TAF4B: variants seen among roughly 807,000 people sequenced by gnomAD.
The protein encoded by TAF4B is transcription initiation factor TFIID subunit 4B.
Under a neutral mutation model 86.4 loss-of-function variants are expected in TAF4B, and 38 were observed. The observed-to-expected ratio is 0.44, with a 90% CI of 0.34 to 0.58. The LOEUF (loss-of-function observed/expected upper bound fraction) is 0.58, where lower values mean the gene tolerates loss of function less well. Among genes scored for constraint, TAF4B ranks in the 20% least tolerant of loss-of-function variants. The pLI is 0.02. For missense variants in TAF4B, 988 were observed against 1,027.6 expected (o/e 0.96, Z 0.53); for synonymous variants, 388 against 391.2 (o/e 0.99, Z 0.10).
intron 10 of TAF4B, among the ~76,000 whole-genome samples, chr18:26,320,828 C>T (rs1165064933): frequency 1.3e-5 from 2 of 152,034 alleles, no homozygotes; most frequent in Non-Finnish European, 2.9e-5. Context: ...AATGACCTTG[C>T]AAGGAGAATG....
At chr18:26,300,299 T>G (rs943250557) in intron 9 of TAF4B, among the ~76,000 whole-genome samples, 5 of 146,022 alleles carry the variant, frequency 3.4e-5, no homozygotes, top group African/African-American at 1.3e-4. Flanking sequence ...TGTTTTCTAA[T>G]GTAGGCATTT....
intron 9 of TAF4B, among the ~76,000 whole-genome samples, chr18:26,296,770 C>A (rs779220601): frequency 2.0e-5 from 3 of 152,180 alleles, no homozygotes; most frequent in Non-Finnish European, 4.4e-5. Context: ...GATCTGCTTT[C>A]TATCATTGTA....
At chr18:26,245,720 C>G (rs2055913535) in intron 1 of TAF4B, among the ~76,000 whole-genome samples, 1 of 152,184 alleles carries the variant, frequency 6.6e-6, no homozygotes, top group South Asian at 2.1e-4. Flanking sequence ...CTGATGGTTG[C>G]ATTTTACAAT....
chr18:26,239,888 A>T (rs2055810542), intron 1 of TAF4B, among the ~76,000 whole-genome samples: 1 of 152,218 alleles, frequency 6.6e-6, no homozygotes, highest in Non-Finnish European at 1.5e-5. Context: ...GTCAGAGATC[A>T]GATGGTTGTA....
chr18:26,328,281 T>G (rs2057022081), intron 12 of TAF4B, among the ~76,000 whole-genome samples: 1 of 151,968 alleles, frequency 6.6e-6, no homozygotes, highest in African/African-American at 2.4e-5. Flanking sequence ...AAACCCCATC[T>G]CAACTAAAAA....
At chr18:26,367,622 A>G (rs2057380430) in intron 14 of TAF4B, among the ~76,000 whole-genome samples, 1 of 152,212 alleles carries the variant, frequency 6.6e-6, no homozygotes, top group African/African-American at 2.4e-5. Context: ...ATAGACACAC[A>G]GAAACAATGT....
chr18:26,242,813 G>C (rs1176496504), intron 1 of TAF4B, among the ~76,000 whole-genome samples: 1 of 152,198 alleles, frequency 6.6e-6, no homozygotes, highest in African/African-American at 2.4e-5. Flanking sequence ...TTGTTTGTCT[G>C]TAAAGGATTT....
At position 26,227,236 on chromosome 18, in the gene TAF4B, C is replaced by T; in HGVS notation, c.303C>T (p.Thr101=). The T allele has an allele frequency of 6.2e-7, 1 of 1,613,580 alleles. No individual in the cohort carries two copies. Among genetic ancestry groups the T allele is most frequent in the Middle Eastern group, 1.7e-4 (1 of 6,058 alleles). Residue 101 remains threonine, a synonymous_variant, in exon 1 of 15, where the codon ACC becomes ACT. Transcript: ENST00000269142. ...TAGTCGCCGTGAAAGCCCCCAACAC[C>T]ACGACAATCCAGTTTCCTGCTAATT... ...PQIVAVKAPN[T]TTIQFPANLQ... is the part of the protein sequence containing the mutation.
chr18:26,384,144 CCCTTAAGAGCTG>C (rs1978309645), intron 14 of TAF4B, among the ~76,000 whole-genome samples: 2 of 152,122 alleles, frequency 1.3e-5, no homozygotes, highest in African/African-American at 4.8e-5. Context: ...CTTGAGCTAT[CCCTTAAGAGCTG>C]CCATGGTGGC....
chr18:26,270,366 T>C (rs1391767868), intron 3 of TAF4B, among the ~76,000 whole-genome samples: 5 of 152,254 alleles, frequency 3.3e-5, no homozygotes, highest in Non-Finnish European at 7.3e-5. Flanking sequence ...TCTATTTCTG[T>C]GCTCTCTGAA....
intron 3 of TAF4B, among the ~76,000 whole-genome samples, chr18:26,272,860 G>A (rs779250710): frequency 2.0e-5 from 3 of 150,932 alleles, no homozygotes; most frequent in Non-Finnish European, 4.4e-5. Context: ...TGAAAAGGAG[G>A]GAGACTTCCT....
chr18:26,260,331 G>T (rs1331083248), intron 1 of TAF4B, among the ~76,000 whole-genome samples: 2 of 152,138 alleles, frequency 1.3e-5, no homozygotes, highest in Non-Finnish European at 2.9e-5. Context: ...ATTGCTTTTG[G>T]TGTTTTAGAC....
intron 13 of TAF4B, among the ~76,000 whole-genome samples, chr18:26,340,485 TA>T (rs2057127612): frequency 6.6e-6 from 1 of 152,144 alleles, no homozygotes; most frequent in African/African-American, 2.4e-5. Flanking sequence ...AAGTTATAAA[TA>T]ACTTGTGTAT....
rs890854811 is a variant in TAF4B, at chr18:26,226,874, C to T, written c.-60C>T. 1 of 1,280,690 alleles carries T rather than the reference C, an allele frequency of 7.8e-7. No individual in the cohort carries two copies. The highest frequency in any genetic ancestry group is 1.6e-5 in the African/African-American group (1 of 63,894). 79.3% of individuals were successfully genotyped at this position (1,280,690 alleles called of 1,614,324 possible). A position where few individuals can be genotyped will look rare whatever the true frequency, so the allele number is the denominator to read the frequency against. On this transcript the variant is annotated 5_prime_UTR_variant, in exon 1 of 15. Coordinates refer to ENST00000269142, the MANE Select transcript of TAF4B (RefSeq NM_005640.3). ...CCGGAGTCGGCTGCCGCGCGCCAAG[C>T]CTCCCCTCACCTCTGCTCCCGGAAC...
At chr18:26,365,938 C>T (rs1298010125) in intron 14 of TAF4B, among the ~76,000 whole-genome samples, 7 of 152,104 alleles carry the variant, frequency 4.6e-5, no homozygotes, top group Admixed American at 6.5e-5. Context: ...CACAGGCACA[C>T]GCCACCTCGC....
chr18:26,280,320 C>T (rs2056432671), intron 5 of TAF4B, among the ~76,000 whole-genome samples: 2 of 152,026 alleles, frequency 1.3e-5, no homozygotes, highest in African/African-American at 4.8e-5. Context: ...CAAGTGGAAC[C>T]TAACTAAACT....
chr18:26,254,193 G>A (rs1035743406), intron 1 of TAF4B, among the ~76,000 whole-genome samples: 10 of 151,958 alleles, frequency 6.6e-5, no homozygotes, highest in East Asian at 1.9e-4. Context: ...CTCCCAAAGC[G>A]CTGGGATTAC....
In TAF4B at chr18:26,286,134, G is replaced by C. The variant is rs752500451; in HGVS notation, c.1225G>C (p.Val409Leu). 1 of 1,614,226 alleles carries C rather than the reference G, an allele frequency of 6.2e-7. No individual in the cohort carries two copies. Among genetic ancestry groups the C allele is most frequent in the South Asian group, 1.1e-5 (1 of 91,088 alleles). The change falls in exon 7 of 15, where the codon GTT becomes CTT. Residue 409 changes from valine to leucine, a missense_variant. By Grantham distance (32) the Val-to-Leu change is conservative. Transcript: ENST00000269142. ...TGGTCCAGTGGGAGCAAAAGCTGGA[G>C]TTGTGACACTTCATTCTGTGGGCCC... ...LAGPVGAKAGVVTLHSVGPTA... is the reference protein window; with the variant it reads ...LAGPVGAKAGLVTLHSVGPTA...
At chr18:26,294,622 CAT>C (rs1165068196) in intron 9 of TAF4B, among the ~76,000 whole-genome samples, 11 of 143,596 alleles carry the variant, frequency 7.7e-5, no homozygotes, top group Admixed American at 7.1e-5. Context: ...TATAAACAAA[CAT>C]ATAACATTTG....
Sources: gnomAD v4.1 joint callset for allele counts (sites outside exome capture counted in the v4.1 genomes callset) on GRCh38, gnomAD v4.1.1 for gene constraint, MANE v1.5 for transcripts, NCBI Gene and HGNC (gene_info 2026-07-23, HGNC 2026-07-21) for gene names.